The following CNTLN variants were observed in gnomAD, a reference collection of about 807,000 sequenced individuals.
CNTLN encodes centlein, centrosomal protein.
A neutral mutation model predicts 180.0 loss-of-function variants in CNTLN; 212 were observed. The ratio of observed to expected loss-of-function variants is 1.18; its 90% CI spans 1.05 to 1.32. The LOEUF (loss-of-function observed/expected upper bound fraction) is 1.32, where lower values mean the gene tolerates loss of function less well. Ranked by LOEUF, CNTLN falls within the 40% of genes most tolerant of loss-of-function variation. The pLI is 0.00. For missense variants in CNTLN, 2,095 were observed against 1,610.9 expected (o/e 1.30, Z -5.14); for synonymous variants, 722 against 563.1 (o/e 1.28, Z -3.99).
At chr9:17,511,981 G>GC in the CNTLN span, among the ~76,000 whole-genome samples, 2 of 152,138 alleles carry the variant, frequency 1.3e-5, no homozygotes, top group African/African-American at 4.8e-5. Context: ...AAAGAACCCT[G>GC]CCTAGAGTGA....
chr9:17,390,656 C>T (rs940006718), intron 14 of CNTLN, among the ~76,000 whole-genome samples: 1 of 152,118 alleles, frequency 6.6e-6, no homozygotes, highest in Non-Finnish European at 1.5e-5. Flanking sequence ...GTTCCCCAGA[C>T]TTTCATTCTC....
intron 24 of CNTLN, among the ~76,000 whole-genome samples, chr9:17,485,809 G>C (rs1414326055): frequency 6.6e-6 from 1 of 152,084 alleles, no homozygotes; most frequent in Non-Finnish European, 1.5e-5. Flanking sequence ...CTAAAATGAT[G>C]CACTCTCTGG....
intron 13 of CNTLN, among the ~76,000 whole-genome samples, chr9:17,384,015 A>G (rs1825481331): frequency 6.6e-6 from 1 of 152,228 alleles, no homozygotes; most frequent in Non-Finnish European, 1.5e-5. Flanking sequence ...TTAAATATAA[A>G]GATCGAAATT....
intron 2 of CNTLN, among the ~76,000 whole-genome samples, chr9:17,149,479 G>A (rs1399325761): frequency 7.0e-6 from 1 of 142,104 alleles, no homozygotes; most frequent in South Asian, 2.3e-4. Flanking sequence ...TCCAGCATCT[G>A]TTGTTTCCTG....
intron 8 of CNTLN, among the ~76,000 whole-genome samples, chr9:17,327,184 T>A (rs1396182305): frequency 6.6e-6 from 1 of 151,788 alleles, no homozygotes; most frequent in Non-Finnish European, 1.5e-5. Context: ...TTAAAAAGTA[T>A]GTTAAATGAC....
chr9:17,298,699 T>C (rs1818128488), intron 7 of CNTLN: 2 of 999,100 alleles, frequency 2.0e-6, no homozygotes, highest in South Asian at 9.2e-5. Flanking sequence ...AATTATTTTG[T>C]CAAGTATGGC....
chr9:17,388,854 C>A (rs774319299), intron 14 of CNTLN, among the ~76,000 whole-genome samples: 1 of 151,548 alleles, frequency 6.6e-6, no homozygotes, highest in Non-Finnish European at 1.5e-5. Context: ...TTAATATTTA[C>A]CTTTATAATT....
intron 6 of CNTLN, among the ~76,000 whole-genome samples, chr9:17,296,229 G>GACCTCAGGTGATCCATCT (rs1229710107): frequency 1.3e-5 from 2 of 151,992 alleles, no homozygotes; most frequent in East Asian, 3.9e-4. Flanking sequence ...TCGAACTCCT[G>GACCTCAGGTGATCCATCT]ACCTCAGGTG....
intron 2 of CNTLN, among the ~76,000 whole-genome samples, chr9:17,208,223 A>G (rs1474690178): frequency 6.6e-6 from 1 of 152,182 alleles, no homozygotes. Flanking sequence ...ATCAATTGAA[A>G]TGATCATGTG....
At chr9:17,382,125 G>C (rs1825305603) in intron 13 of CNTLN, among the ~76,000 whole-genome samples, 1 of 152,148 alleles carries the variant, frequency 6.6e-6, no homozygotes, top group Non-Finnish European at 1.5e-5. Context: ...GGAGCTGTTA[G>C]TATATGTTGC....
At chr9:17,383,359 A>G (rs895237434) in intron 13 of CNTLN, among the ~76,000 whole-genome samples, 4 of 151,486 alleles carry the variant, frequency 2.6e-5, no homozygotes, top group African/African-American at 9.7e-5. Flanking sequence ...TCTCTACCAA[A>G]AAAAAAAAGT....
intron 18 of CNTLN, among the ~76,000 whole-genome samples, chr9:17,442,825 T>A (rs897275080): frequency 6.6e-6 from 1 of 152,196 alleles, no homozygotes; most frequent in Non-Finnish European, 1.5e-5. Context: ...TAAGCAGTTG[T>A]AAGAGGGAAG....
intron 6 of CNTLN, among the ~76,000 whole-genome samples, chr9:17,284,414 G>C (rs887785389): frequency 6.6e-6 from 1 of 152,034 alleles, no homozygotes; most frequent in Non-Finnish European, 1.5e-5. Flanking sequence ...GGCTGGTAGG[G>C]TATTTGTTAC....
At chr9:17,141,570 CA>C (rs1260040480) in intron 1 of CNTLN, among the ~76,000 whole-genome samples, 1 of 152,064 alleles carries the variant, frequency 6.6e-6, no homozygotes, top group African/African-American at 2.4e-5. Context: ...GTAGCCTTGA[CA>C]CAGAGTTTGG....
intron 8 of CNTLN, among the ~76,000 whole-genome samples, chr9:17,320,446 C>G (rs1819831313): frequency 6.6e-6 from 1 of 151,276 alleles, no homozygotes; most frequent in Non-Finnish European, 1.5e-5. Context: ...TTTATGAATT[C>G]CTGCCTCTTA....
intron 18 of CNTLN, among the ~76,000 whole-genome samples, chr9:17,420,982 T>C (rs1340089309): frequency 6.6e-6 from 1 of 152,214 alleles, no homozygotes; most frequent in Non-Finnish European, 1.5e-5. Context: ...GCCTAACATA[T>C]GGTCTATTCT....
chr9:17,477,165 C>G (rs1588080696), intron 23 of CNTLN, among the ~76,000 whole-genome samples: 1 of 152,176 alleles, frequency 6.6e-6, no homozygotes, highest in African/African-American at 2.4e-5. Flanking sequence ...ATTTTAGGCC[C>G]AATATTGAGA....
chr9:17,255,676 T>A (rs1015038568), intron 5 of CNTLN, among the ~76,000 whole-genome samples: 1 of 151,784 alleles, frequency 6.6e-6, no homozygotes, highest in African/African-American at 2.4e-5. Context: ...GCTCTCCTCA[T>A]AGAAGGAGCT....
intron 21 of CNTLN, 78 bp from the exon 22 acceptor site, chr9:17,465,903 T>G: frequency 9.1e-7 from 1 of 1,094,432 alleles, no homozygotes. Flanking sequence ...TTCACTCATT[T>G]AGTTTCTGTT....
Sources: allele counts gnomAD v4.1 joint callset (sites outside exome capture counted in the v4.1 genomes callset), GRCh38; gene constraint gnomAD v4.1.1; transcripts MANE v1.5; gene names NCBI Gene and HGNC (gene_info 2026-07-23, HGNC 2026-07-21).